The following NBEAL1 variants were observed in gnomAD, a reference collection of about 807,000 sequenced individuals.
NBEAL1 encodes neurobeachin like 1, also known as neurobeachin-like protein 1.
NBEAL1 carries 273 observed loss-of-function variants against 351.3 expected under a neutral mutation model. That is an observed-to-expected ratio of 0.78 (90% CI 0.70 to 0.86). The LOEUF is 0.86. Among genes scored for constraint, NBEAL1 ranks in the 40% least tolerant of loss-of-function variants. NBEAL1 has a pLI of 0.00. For missense variants in NBEAL1, 2,961 were observed against 3,201.3 expected (o/e 0.92, Z 1.81); for synonymous variants, 1,050 against 1,086.4 (o/e 0.97, Z 0.66).
chr2:203,198,020 C>CTTTTTT (rs71034228), intron 48 of NBEAL1, among the ~76,000 whole-genome samples: 84 of 118,578 alleles, frequency 7.1e-4, no homozygotes, highest in East Asian at 1.8e-3. Context: ...TTTTTCTTTT[C>CTTTTTT]TTTTTTTTTT....
intron 12 of NBEAL1, among the ~76,000 whole-genome samples, chr2:203,100,125 A>G (rs1388071397): frequency 2.6e-5 from 4 of 152,130 alleles, no homozygotes; most frequent in Non-Finnish European, 5.9e-5. Flanking sequence ...TGGTGTATAT[A>G]TACTACATTT....
chr2:203,213,626 T>C lies in NBEAL1; in HGVS notation c.8043T>C (p.Ile2681=). The C allele has an allele frequency of 6.2e-7, 1 of 1,614,000 alleles. No homozygotes were observed. Among genetic ancestry groups the C allele is most frequent in the Non-Finnish European group, 8.5e-7 (1 of 1,179,974 alleles). ...TAGGTTTAGAAGATGGCAAATTGAT[T>C]GTAGTGGGTGTTGGCAAGCCTGCTG... ...ILVGLEDGKL[I]VVGVGKPAEM... is the part of the protein sequence containing the mutation. Residue 2681 remains isoleucine, a synonymous_variant, in exon 55 of 56, where the codon ATT becomes ATC. Transcript: ENST00000683969.
chr2:203,183,279 A>G lies in NBEAL1; in HGVS notation c.6596A>G (p.Gln2199Arg). 6.5e-7 allele frequency: 1 copy of G among 1,540,752 alleles called. No homozygotes were observed. The highest frequency in any genetic ancestry group is 8.8e-7 in the Non-Finnish European group (1 of 1,131,380). Residue 2199 changes from glutamine (Q) to arginine (R), a missense_variant and splice_region_variant, in exon 44 of 56, where the codon CAA (glutamine) becomes CGA (arginine). By Grantham distance (43) the Gln-to-Arg change is conservative. Coordinates refer to ENST00000683969, the MANE Select transcript of NBEAL1 (RefSeq NM_001378026.1). ...TACATTTTCTTTTTACATGTCTTAG[A>G]ATTTAACTTGGGTCGTCTACAGATT... ...YFPEFLENQN[Q>R]FNLGRLQISK...
rs1178740790 is a variant in NBEAL1, at chr2:203,225,108, A to G, written c.*7754A>G. 1.3e-5 allele frequency among the ~76,000 whole-genome samples: 2 copies of G among 152,210 alleles called. No individual in the cohort carries two copies. The highest frequency in any genetic ancestry group is 4.8e-5 in the African/African-American group (2 of 41,452). On this transcript the variant is annotated 3_prime_UTR_variant, in exon 56 of 56. Transcript: ENST00000683969. ...ATTTGTATTCTAATACTTTTTAAGA[A>G]TGTCCATTTATTTTGTACATAATAA... is the stretch of plus-strand genomic sequence containing the variant.
At chr2:203,121,832 C>T (rs534560580) in intron 18 of NBEAL1, among the ~76,000 whole-genome samples, 129 of 152,040 alleles carry the variant, frequency 8.5e-4, no homozygotes, top group African/African-American at 2.9e-3. Flanking sequence ...GTCACTGAGG[C>T]TGGAGTGCAT....
intron 31 of NBEAL1, among the ~76,000 whole-genome samples, chr2:203,139,117 C>T (rs1402140571): frequency 6.6e-6 from 1 of 151,570 alleles, no homozygotes; most frequent in Non-Finnish European, 1.5e-5. Flanking sequence ...TAAATTATTC[C>T]TTTTAAATTT....
chr2:203,201,752 T>C (rs772658613), intron 50 of NBEAL1, 37 bp downstream of exon 50: 1 of 1,522,524 alleles, frequency 6.6e-7, no homozygotes, highest in Non-Finnish European at 8.8e-7. Flanking sequence ...TGCTCAAAAA[T>C]TTTCTTTTTT....
intron 37 of NBEAL1, among the ~76,000 whole-genome samples, chr2:203,166,672 G>A (rs1575072490): frequency 6.6e-6 from 1 of 151,806 alleles, no homozygotes; most frequent in Admixed American, 6.6e-5. Flanking sequence ...TCAGCCTCCC[G>A]AGTAGCTGGG....
chr2:203,090,925 G>A (rs1203685330), intron 10 of NBEAL1, among the ~76,000 whole-genome samples: 1 of 151,356 alleles, frequency 6.6e-6, no homozygotes, highest in African/African-American at 2.4e-5. Context: ...GAAGGAAAGG[G>A]AAAAGGAAAG....
At chr2:203,023,384 A>T (rs1302944173) in intron 2 of NBEAL1, among the ~76,000 whole-genome samples, 1 of 152,228 alleles carries the variant, frequency 6.6e-6, no homozygotes, top group Non-Finnish European at 1.5e-5. Flanking sequence ...TACCACTTAC[A>T]TGTTTATTTT....
intron 18 of NBEAL1, among the ~76,000 whole-genome samples, chr2:203,121,655 A>G (rs1280327246): frequency 2.0e-5 from 3 of 147,728 alleles, no homozygotes; most frequent in African/African-American, 7.4e-5. Context: ...TCTGTCTCCA[A>G]AAAAAAAAAA....
chr2:203,088,040 A>T (rs1325703104), intron 10 of NBEAL1, among the ~76,000 whole-genome samples: 1 of 152,146 alleles, frequency 6.6e-6, no homozygotes, highest in East Asian at 1.9e-4. Context: ...GGGGCATAAA[A>T]ATGCTTTTCC....
At chr2:203,092,027 AT>A (rs1388442211) in intron 10 of NBEAL1, among the ~76,000 whole-genome samples, 1 of 152,178 alleles carries the variant, frequency 6.6e-6, no homozygotes, top group Non-Finnish European at 1.5e-5. Context: ...TAGGAACTTA[AT>A]TTATTTCCAA....
At chr2:203,033,200 C>G (rs1049337264) in intron 2 of NBEAL1, among the ~76,000 whole-genome samples, 2 of 151,608 alleles carry the variant, frequency 1.3e-5, no homozygotes, top group African/African-American at 2.4e-5. Flanking sequence ...CGAGGTTTCA[C>G]AGTGTTAGCC....
intron 55 of NBEAL1, among the ~76,000 whole-genome samples, chr2:203,214,008 C>T (rs1020956873): frequency 2.6e-5 from 4 of 152,128 alleles, no homozygotes; most frequent in African/African-American, 9.7e-5. Flanking sequence ...TTAACAAATA[C>T]TCATCATAAC....
intron 34 of NBEAL1, among the ~76,000 whole-genome samples, chr2:203,150,514 T>A (rs2063622539): frequency 6.6e-6 from 1 of 152,042 alleles, no homozygotes; most frequent in Non-Finnish European, 1.5e-5. Flanking sequence ...TTCACTTTAT[T>A]AATAGCAGCC....
rs1158164244 is a variant in NBEAL1 at position 203,202,801 on chromosome 2, T to A, written c.7506+20T>A. The A allele has an allele frequency of 7.3e-7, 1 of 1,362,522 alleles. No individual in the cohort carries two copies. The highest frequency in any genetic ancestry group is 1.7e-5 in the Admixed American group (1 of 58,066). The allele number at this position is 1,362,522 out of a possible 1,614,324, so 84.4% of individuals were successfully genotyped here. Reference sequence around the variant, plus strand: ...CAACAGGTAGTCACACATTTAAATGTTCTTGAATTAGGTCAGAGATTCACC... The same window carrying A: ...CAACAGGTAGTCACACATTTAAATGATCTTGAATTAGGTCAGAGATTCACC... On this transcript the variant is annotated intron_variant, in intron 51 of 55. Transcript: ENST00000683969.
At chr2:203,017,698 G>A (rs1204175638) in intron 2 of NBEAL1, among the ~76,000 whole-genome samples, 1 of 151,914 alleles carries the variant, frequency 6.6e-6, no homozygotes, top group Non-Finnish European at 1.5e-5. Context: ...ATTGGTGAAT[G>A]GGGTTACGTG....
intron 51 of NBEAL1, among the ~76,000 whole-genome samples, chr2:203,206,315 TA>T (rs1031171962): frequency 1.3e-5 from 2 of 152,188 alleles, no homozygotes; most frequent in East Asian, 1.9e-4. Context: ...AAGACATATT[TA>T]AAAATACCAT....
Sources: gnomAD v4.1 joint callset for allele counts (sites outside exome capture counted in the v4.1 genomes callset) on GRCh38, gnomAD v4.1.1 for gene constraint, MANE v1.5 for transcripts, NCBI Gene and HGNC (gene_info 2026-07-23, HGNC 2026-07-21) for gene names.